The following STK3 variants were observed in gnomAD, a reference collection of about 807,000 sequenced individuals.
STK3 encodes serine/threonine kinase 3.
A neutral mutation model predicts 58.0 loss-of-function variants in STK3; 41 were observed. That is an observed-to-expected ratio of 0.71 (90% confidence interval 0.55 to 0.92). The LOEUF is 0.92. STK3 is among the 40% of genes least tolerant of loss of function. STK3 has a pLI of 0.00. For missense variants in STK3, 479 were observed against 602.7 expected, an observed-to-expected ratio of 0.79 and a Z score of 2.15; for synonymous variants, 170 against 191.0, an observed-to-expected ratio of 0.89 and a Z score of 0.91.
chr8:98,584,282 T>A (rs1453414772), intron 7 of STK3, among the ~76,000 whole-genome samples: 2 of 148,894 alleles, frequency 1.3e-5, no homozygotes, highest in African/African-American at 2.5e-5. Flanking sequence ...CAGAGTGTGA[T>A]GTTCCCCTTC....
chr8:98,810,677 A>T (rs1200092322), intron 1 of STK3, among the ~76,000 whole-genome samples: 1 of 152,176 alleles, frequency 6.6e-6, no homozygotes, highest in Admixed American at 6.6e-5. Context: ...GTACAATCAG[A>T]TCTAGCTCTC....
chr8:98,738,504 A>G (rs1054903110), intron 4 of STK3, among the ~76,000 whole-genome samples: 2 of 152,026 alleles, frequency 1.3e-5, no homozygotes, highest in Non-Finnish European at 2.9e-5. Flanking sequence ...ATAAATAAAT[A>G]AATAAAACTT....
chr8:98,680,927 T>G (rs917521687), intron 6 of STK3, among the ~76,000 whole-genome samples: 2 of 151,476 alleles, frequency 1.3e-5, no homozygotes, highest in African/African-American at 4.8e-5. Flanking sequence ...ATGTTTTACA[T>G]CAGTTTTAAT....
At chr8:98,825,926 C>T (rs1402229548), upstream of STK3, among the ~76,000 whole-genome samples, 5 of 146,828 alleles carry the variant, frequency 3.4e-5, no homozygotes, top group Admixed American at 6.7e-5. Flanking sequence ...TGGACGGAGC[C>T]GGGCACCGCG....
intron 6 of STK3, among the ~76,000 whole-genome samples, chr8:98,638,879 A>G (rs548646909): frequency 3.5e-4 from 53 of 152,258 alleles, no homozygotes; most frequent in Non-Finnish European, 6.6e-4. Flanking sequence ...GTTACAATGA[A>G]ATGTTGGTTA....
chr8:98,570,602 G>A (rs1455477151), intron 8 of STK3, among the ~76,000 whole-genome samples: 2 of 151,804 alleles, frequency 1.3e-5, no homozygotes, highest in African/African-American at 2.4e-5. Flanking sequence ...ACAAGGTAGG[G>A]CAAAACCAGT....
intron 10 of STK3, among the ~76,000 whole-genome samples, chr8:98,503,165 T>C (rs1051003553): frequency 1.1e-4 from 17 of 152,232 alleles, no homozygotes; most frequent in Non-Finnish European, 1.8e-4. Flanking sequence ...ATTTATCCAT[T>C]TCTTCTAGAT....
At chr8:98,372,674 G>A (rs1214478261) in intron 2 of STK3, among the ~76,000 whole-genome samples, 3 of 152,182 alleles carry the variant, frequency 2.0e-5, no homozygotes, top group African/African-American at 4.8e-5. Context: ...GTAGGCAGAG[G>A]GTCCAGAACA....
intron 6 of STK3, among the ~76,000 whole-genome samples, chr8:98,652,219 T>A (rs1000648024): frequency 5.3e-5 from 8 of 152,162 alleles, no homozygotes; most frequent in Non-Finnish European, 8.8e-5. Context: ...GAATTTCATA[T>A]CCAGCCAAAC....
chr8:98,711,120 C>G (rs2131103015), intron 4 of STK3, among the ~76,000 whole-genome samples: 1 of 152,226 alleles, frequency 6.6e-6, no homozygotes, highest in East Asian at 1.9e-4. Context: ...ACATCCACAC[C>G]AAAACCCCAT....
At chr8:98,566,028 T>G (rs1812452907) in intron 8 of STK3, among the ~76,000 whole-genome samples, 1 of 152,264 alleles carries the variant, frequency 6.6e-6, no homozygotes, top group South Asian at 2.1e-4. Context: ...AAATCTCTGT[T>G]TGCAATTTGT....
chr8:98,482,482 T>A (rs1821925619), intron 10 of STK3, among the ~76,000 whole-genome samples: 1 of 152,178 alleles, frequency 6.6e-6, no homozygotes, highest in South Asian at 2.1e-4. Context: ...GGATTAGCAA[T>A]GCCAGGATGG....
rs916650521 is a variant in STK3, at chr8:98,585,441, T to C, written c.823-5652A>G. The stretch of plus-strand genomic sequence containing the variant: ...CATTATTTCTAAGGGCTCTGTTCTG[T>C]TCCATTGATCTATATCTCTGTTTTG... On this transcript the variant is annotated intron_variant, in intron 7 of 10. Transcript: ENST00000419617. 8.2e-4 allele frequency among the ~76,000 whole-genome samples: 125 copies of C among 151,772 alleles called. 1 individual carries two copies. The highest frequency in any genetic ancestry group is 2.8e-4 in the Non-Finnish European group (19 of 67,974).
At chr8:98,584,175 G>A (rs1280612233) in intron 7 of STK3, among the ~76,000 whole-genome samples, 1 of 151,168 alleles carries the variant, frequency 6.6e-6, no homozygotes, top group African/African-American at 2.4e-5. Flanking sequence ...CTATACATGT[G>A]CCATGCTGGT....
In STK3 at chr8:98,648,486, CA is replaced by C. The variant is rs545947882; in HGVS notation, c.685-52318del. On this transcript the variant is annotated intron_variant, in intron 6 of 10. Coordinates refer to ENST00000419617, the MANE Select transcript of STK3 (RefSeq NM_006281.4). ...AGATAAATTCTAGGGGTAAAACTGC[CA>C]AAACTGCTTTCCAAGAAAAGAAGTA... Among the ~76,000 whole-genome samples the C allele has an allele frequency of 7.2e-4, 109 of 152,224 alleles. 1 individual carries two copies. The highest frequency in any genetic ancestry group is 2.6e-3 in the African/African-American group (108 of 41,536).
At chr8:98,828,468 A>G (rs936704597), upstream of STK3, among the ~76,000 whole-genome samples, 4 of 151,130 alleles carry the variant, frequency 2.6e-5, no homozygotes, top group African/African-American at 9.7e-5. Context: ...AAAAAAAACA[A>G]AAGAAATAGC....
At chr8:98,883,755 A>G in exon 2 of STK3, 3 of 702,762 alleles carry the variant, frequency 4.3e-6, no homozygotes, top group Non-Finnish European at 7.8e-6. Flanking sequence ...GAGTTGTAAC[A>G]TTTCCTCCAC....
Position 98,699,476 on chromosome 8 carries a change from T to C in STK3, c.684+6991A>G, listed in dbSNP as rs1267354519. On this transcript the variant is annotated intron_variant, in intron 6 of 10. Coordinates refer to ENST00000419617, the MANE Select transcript of STK3 (RefSeq NM_006281.4). ...TTTCCAGTTTTTCTGCTCTGTTTTT[T>C]CCCCATCTTTGTGGTTTTATCTACT... Among the ~76,000 whole-genome samples, 23 of 151,486 alleles carry C rather than the reference T, an allele frequency of 1.5e-4. 1 individual carries two copies. The highest frequency in any genetic ancestry group is 4.8e-4 in the African/African-American group (20 of 41,492).
chr8:98,458,270 G>A (rs897428605), intron 10 of STK3, among the ~76,000 whole-genome samples: 9 of 152,120 alleles, frequency 5.9e-5, no homozygotes, highest in Non-Finnish European at 1.2e-4. Flanking sequence ...GCTTTGGGCA[G>A]TAAGGTCTTT....
Sources: gnomAD v4.1 joint callset for allele counts (sites outside exome capture counted in the v4.1 genomes callset) on GRCh38, gnomAD v4.1.1 for gene constraint, MANE v1.5 for transcripts, NCBI Gene and HGNC (gene_info 2026-07-23, HGNC 2026-07-21) for gene names.